Variants in SGCZ observed in about 807,000 individuals in gnomAD.
SGCZ encodes the protein sarcoglycan zeta.
Under a neutral mutation model 41.3 loss-of-function variants are expected in SGCZ, and 40 were observed. The observed-to-expected ratio is 0.97, with a 90% CI of 0.75 to 1.26. SGCZ has a LOEUF of 1.26. Among genes scored for constraint, SGCZ ranks in the 50% most tolerant of loss-of-function variants. The pLI, the probability that SGCZ is intolerant of heterozygous loss-of-function variation, is 0.00. For synonymous variants in SGCZ, 206 were observed against 137.5 expected (o/e 1.50, Z -3.49); for missense variants, 552 against 369.8 (o/e 1.49, Z -4.04).
At chr8:14,801,749 C>T (rs1438531689) in intron 1 of SGCZ, among the ~76,000 whole-genome samples, 1 of 152,106 alleles carries the variant, frequency 6.6e-6, no homozygotes. Flanking sequence ...TAAGAAATGA[C>T]TGAAATGATT....
At chr8:14,454,251 G>T (rs2116933876) in intron 2 of SGCZ, among the ~76,000 whole-genome samples, 1 of 152,258 alleles carries the variant, frequency 6.6e-6, no homozygotes, top group African/African-American at 2.4e-5. Flanking sequence ...ATCTCATTTT[G>T]GGTAGTGGAG....
intron 1 of SGCZ, among the ~76,000 whole-genome samples, chr8:14,720,449 T>C (rs1809845928): frequency 6.6e-6 from 1 of 152,128 alleles, no homozygotes; most frequent in Non-Finnish European, 1.5e-5. Flanking sequence ...TATAGTAGTA[T>C]TGCCAATATT....
chr8:14,332,207 G>A (rs1459628567), intron 2 of SGCZ, among the ~76,000 whole-genome samples: 10 of 152,174 alleles, frequency 6.6e-5, no homozygotes, highest in Middle Eastern at 3.4e-3. Flanking sequence ...AGGCCGAAGC[G>A]GGCGGATCAC....
chr8:14,150,892 G>C (rs1803685759), intron 5 of SGCZ, among the ~76,000 whole-genome samples: 1 of 152,142 alleles, frequency 6.6e-6, no homozygotes. Context: ...TGGAACTGGA[G>C]ATCACTGTGT....
intron 2 of SGCZ, among the ~76,000 whole-genome samples, chr8:14,408,726 C>T (rs1217616544): frequency 3.3e-5 from 5 of 152,066 alleles, no homozygotes; most frequent in Admixed American, 3.3e-4. Context: ...ATTTATCAGG[C>T]TTCTGTACTC....
At chr8:14,672,288 C>T (rs550375925) in intron 1 of SGCZ, among the ~76,000 whole-genome samples, 57 of 152,178 alleles carry the variant, frequency 3.7e-4, no homozygotes, top group Non-Finnish European at 7.1e-4. Flanking sequence ...CTGCCATTTG[C>T]TAAGCTGTTA....
intron 4 of SGCZ, among the ~76,000 whole-genome samples, chr8:14,201,612 T>C (rs1234676581): frequency 1.3e-5 from 2 of 152,172 alleles, no homozygotes; most frequent in East Asian, 3.9e-4. Flanking sequence ...GATCTAGAAA[T>C]TGATGAGAAG....
chr8:14,318,758 CA>C (rs1801810462), intron 3 of SGCZ, among the ~76,000 whole-genome samples: 1 of 151,832 alleles, frequency 6.6e-6, no homozygotes, highest in Admixed American at 6.6e-5. Context: ...ATCTCTCTAG[CA>C]AAACAAACAG....
At chr8:14,613,393 A>T (rs1805992266) in intron 1 of SGCZ, among the ~76,000 whole-genome samples, 1 of 152,190 alleles carries the variant, frequency 6.6e-6, no homozygotes, top group Non-Finnish European at 1.5e-5. Context: ...AGAAATAGCA[A>T]AATACCCTAG....
chr8:14,546,528 T>C (rs1803633620), intron 2 of SGCZ, among the ~76,000 whole-genome samples: 1 of 152,170 alleles, frequency 6.6e-6, no homozygotes, highest in Non-Finnish European at 1.5e-5. Flanking sequence ...AAATTAAACC[T>C]ATGCCCGCTC....
intron 3 of SGCZ, among the ~76,000 whole-genome samples, chr8:14,296,627 G>A (rs1801021265): frequency 3.3e-5 from 5 of 152,002 alleles, no homozygotes; most frequent in Admixed American, 3.3e-4. Flanking sequence ...AATACATACA[G>A]ACCCATACAA....
intron 2 of SGCZ, among the ~76,000 whole-genome samples, chr8:14,385,950 T>C (rs187273571): frequency 6.6e-6 from 1 of 152,174 alleles, no homozygotes; most frequent in Non-Finnish European, 1.5e-5. Context: ...CTTTAAATCA[T>C]CTCTAGATTA....
chr8:14,248,356 T>C (rs1346273), intron 3 of SGCZ, among the ~76,000 whole-genome samples: 101,349 of 151,888 alleles, frequency 0.67, 34,205 homozygotes, highest in South Asian at 0.78. Flanking sequence ...ATGATGGTGA[T>C]GACGATGCTA....
intron 1 of SGCZ, among the ~76,000 whole-genome samples, chr8:14,784,113 C>G (rs1366668831): frequency 6.7e-6 from 1 of 149,194 alleles, no homozygotes; most frequent in East Asian, 2.0e-4. Flanking sequence ...TGTAGTTGTA[C>G]AATCATGGTT....
At chr8:14,780,695 T>A (rs1425647936) in intron 1 of SGCZ, among the ~76,000 whole-genome samples, 4 of 152,136 alleles carry the variant, frequency 2.6e-5, no homozygotes, top group African/African-American at 7.2e-5. Context: ...TTAAAAAAAA[T>A]TTGAATATAG....
intron 1 of SGCZ, among the ~76,000 whole-genome samples, chr8:15,124,108 T>C (rs995052051): frequency 3.9e-5 from 6 of 152,142 alleles, no homozygotes; most frequent in Non-Finnish European, 7.4e-5. Context: ...GAATGACAAC[T>C]CCGGCTGTGA....
In SGCZ at chr8:14,702,964, G is replaced by GATAT. The variant is rs879583200; in HGVS notation, c.40-148039_40-148038insATAT. 4.0e-3 allele frequency among the ~76,000 whole-genome samples: 570 copies of GATAT among 140,996 alleles called. 4 individuals are homozygous for GATAT. The highest frequency in any genetic ancestry group is 0.025 in the South Asian group (106 of 4,234). The allele number at this position is 140,996 out of a possible 152,430, so 92.5% of individuals were successfully genotyped here. On this transcript the variant is annotated intron_variant, in intron 1 of 7. Coordinates refer to ENST00000382080, the MANE Select transcript of SGCZ (RefSeq NM_139167.4). ...AGATAGATAGATAGATAGATAGATA[G>GATAT]ATAGATAGACAGACAGACAGACAGA...
intron 3 of SGCZ, among the ~76,000 whole-genome samples, chr8:14,304,270 C>T (rs1335773008): frequency 6.6e-6 from 1 of 151,108 alleles, no homozygotes; most frequent in Non-Finnish European, 1.5e-5. Context: ...TGGTAAATAC[C>T]GTCTACACAA....
At chr8:14,360,412 G>A (rs1307912279) in intron 2 of SGCZ, among the ~76,000 whole-genome samples, 3 of 150,846 alleles carry the variant, frequency 2.0e-5, no homozygotes, top group Non-Finnish European at 2.9e-5. Context: ...TGTAACCTCC[G>A]CCTCCTAGGT....
Sources: allele counts gnomAD v4.1 joint callset (sites outside exome capture counted in the v4.1 genomes callset), GRCh38; gene constraint gnomAD v4.1.1; transcripts MANE v1.5; gene names NCBI Gene and HGNC (gene_info 2026-07-23, HGNC 2026-07-21).